Variants in TXNRD2 observed in about 807,000 individuals in gnomAD.
The protein encoded by TXNRD2 is thioredoxin reductase 2, mitochondrial.
TXNRD2 carries 67 observed loss-of-function variants against 70.8 expected under a neutral mutation model. The observed-to-expected ratio is 0.95, with a 90% CI of 0.78 to 1.16. The LOEUF is 1.16. TXNRD2 is among the 50% of genes most tolerant of loss of function. The pLI is 0.00. For synonymous variants in TXNRD2, 301 were observed against 295.8 expected (o/e 1.02, Z -0.18); for missense variants, 644 against 719.9 (o/e 0.89, Z 1.21).
At chr22:19,895,080 G>C in intron 11 of TXNRD2, 3 of 1,595,552 alleles carry the variant, frequency 1.9e-6, no homozygotes, top group Non-Finnish European at 2.5e-6. Context: ...GCCAGGGAAG[G>C]CGAGGATGAT....
At chr22:19,940,098 AGC>A in intron 1 of TXNRD2, among the ~76,000 whole-genome samples, 1 of 152,068 alleles carries the variant, frequency 6.6e-6, no homozygotes, top group Non-Finnish European at 1.5e-5. Context: ...AAAAAAAATT[AGC>A]CAGGCGTGGT....
chr22:19,909,423 G>A (rs937998027), intron 8 of TXNRD2, among the ~76,000 whole-genome samples: 1 of 151,780 alleles, frequency 6.6e-6, no homozygotes, highest in African/African-American at 2.4e-5. Context: ...CCATTCAAGG[G>A]AATCCAGTCC....
chr22:19,903,573 G>T (rs1472505507), intron 8 of TXNRD2, among the ~76,000 whole-genome samples: 2 of 152,242 alleles, frequency 1.3e-5, no homozygotes, highest in Non-Finnish European at 2.9e-5. Flanking sequence ...TCCCGGTGGA[G>T]GCAGCCCTCC....
At position 19,941,704 on chromosome 22, in the gene TXNRD2, C is replaced by T. The variant is rs1303813995; in HGVS notation, c.100G>A (p.Ala34Thr). The change falls in exon 1 of 18, where the codon GCA becomes ACA. Residue 34 changes from alanine (A) to threonine (T), a missense_variant. By Grantham distance (58) the Ala-to-Thr change is moderately conservative (BLOSUM62 0). Transcript: ENST00000400521. ...GGVRGAARGA[A>T]AGQRDYDLLV... Reference sequence around the variant, plus strand: ...GGACGCCCCGACCCCATCCTACCTGCTGCGCCCCGCGCCGCGCCCCGCACC... The same window carrying T: ...GGACGCCCCGACCCCATCCTACCTGTTGCGCCCCGCGCCGCGCCCCGCACC... 6.7e-7 allele frequency: 1 copy of T among 1,483,850 alleles called. No individual in the cohort carries two copies. The highest frequency in any genetic ancestry group is 1.3e-5 in the South Asian group (1 of 78,734). 91.9% of individuals were successfully genotyped at this position (1,483,850 alleles called of 1,614,324 possible). A position where few individuals can be genotyped will look rare whatever the true frequency, so the allele number is the denominator to read the frequency against.
intron 1 of TXNRD2, chr22:19,933,351 G>T (rs934733845): frequency 2.1e-5 from 20 of 930,616 alleles, no homozygotes; most frequent in Non-Finnish European, 2.9e-5. Flanking sequence ...CAGGTCCCCC[G>T]GGGAGCATGA....
intron 8 of TXNRD2, chr22:19,902,957 G>A (rs766255412): frequency 1.5e-5 from 8 of 518,848 alleles, no homozygotes; most frequent in Non-Finnish European, 1.9e-5. Flanking sequence ...GACTTCCTAA[G>A]GGTCAAATAA....
At chr22:19,909,259 A>G (rs533743111) in intron 8 of TXNRD2, among the ~76,000 whole-genome samples, 5 of 151,920 alleles carry the variant, frequency 3.3e-5, no homozygotes, top group African/African-American at 4.8e-5. Context: ...TGTCTGTTTT[A>G]TCACAATGAA....
intron 11 of TXNRD2, among the ~76,000 whole-genome samples, chr22:19,884,656 C>T (rs1285782167): frequency 6.6e-6 from 1 of 152,132 alleles, no homozygotes; most frequent in African/African-American, 2.4e-5. Context: ...TGCTGGCTCC[C>T]AATGGCCTCC....
At chr22:19,930,562 T>C (rs1941318329) in intron 2 of TXNRD2, among the ~76,000 whole-genome samples, 1 of 152,048 alleles carries the variant, frequency 6.6e-6, no homozygotes, top group Non-Finnish European at 1.5e-5. Context: ...CCATGGACCC[T>C]GGGGGAAGGC....
At chr22:19,894,704 T>C (rs535808121) in intron 11 of TXNRD2, 1 of 201,902 alleles carries the variant, frequency 5.0e-6, no homozygotes, top group South Asian at 7.3e-5. Context: ...AAAAAATACA[T>C]ACTGGCCAGG....
intron 11 of TXNRD2, among the ~76,000 whole-genome samples, chr22:19,892,109 T>G (rs1939289628): frequency 6.6e-6 from 1 of 152,262 alleles, no homozygotes; most frequent in Admixed American, 6.5e-5. Context: ...GCGGACGTAG[T>G]GCACACCCGG....
chr22:19,898,923 G>C (rs577176547), intron 9 of TXNRD2, 126 bp downstream of exon 9: 1 of 1,225,890 alleles, frequency 8.2e-7, no homozygotes, highest in South Asian at 1.3e-5. Context: ...CCTCCACGCC[G>C]AGAGGCCCAG....
At chr22:19,927,352 C>A (rs1189364948) in intron 2 of TXNRD2, among the ~76,000 whole-genome samples, 1 of 151,920 alleles carries the variant, frequency 6.6e-6, no homozygotes, top group African/African-American at 2.4e-5. Context: ...TAACCAAACT[C>A]GGATTGGAAA....
At chr22:19,930,919 C>A (rs2146089629) in intron 2 of TXNRD2, 111 bp downstream of exon 2, 1 of 961,422 alleles carries the variant, frequency 1.0e-6, no homozygotes, top group Non-Finnish European at 1.7e-6. Flanking sequence ...CTGGGGTGAC[C>A]CCAGCAGGGA....
chr22:19,933,605 G>A (rs1941443864), intron 1 of TXNRD2: 1 of 913,438 alleles, frequency 1.1e-6, no homozygotes, highest in South Asian at 1.5e-5. Context: ...GCACACCCAG[G>A]AGCCCTCTCG....
intron 1 of TXNRD2, among the ~76,000 whole-genome samples, 200 bp from the exon 2 acceptor site, chr22:19,931,298 G>T (rs1941352367): frequency 6.6e-6 from 1 of 152,196 alleles, no homozygotes; most frequent in South Asian, 2.1e-4. Flanking sequence ...GGTTGGCCGT[G>T]GGCGTGTGTG....
At chr22:19,931,197 A>G in intron 1 of TXNRD2, 99 bp from the exon 2 acceptor site, 1 of 1,067,440 alleles carries the variant, frequency 9.4e-7, no homozygotes, top group Non-Finnish European at 1.4e-6. Context: ...TGTGATGGTC[A>G]GGGGTGACAA....
chr22:19,933,174 C>T (rs1050562397), intron 1 of TXNRD2, among the ~76,000 whole-genome samples: 1 of 152,226 alleles, frequency 6.6e-6, no homozygotes, highest in Non-Finnish European at 1.5e-5. Flanking sequence ...TGCGCACCTG[C>T]GGGAACTGAC....
intron 7 of TXNRD2, among the ~76,000 whole-genome samples, chr22:19,912,147 A>G (rs1794412766): frequency 6.6e-6 from 1 of 152,172 alleles, no homozygotes; most frequent in Non-Finnish European, 1.5e-5. Flanking sequence ...GGGGCGGCCA[A>G]GCAGGTGGGA....
Sources: gnomAD v4.1 joint callset for allele counts (sites outside exome capture counted in the v4.1 genomes callset) on GRCh38, gnomAD v4.1.1 for gene constraint, MANE v1.5 for transcripts, NCBI Gene and HGNC (gene_info 2026-07-23, HGNC 2026-07-21) for gene names.